The following ESRRG variants were observed in gnomAD, a reference collection of about 807,000 sequenced individuals.
ESRRG encodes estrogen-related receptor gamma.
Under a neutral mutation model 44.0 loss-of-function variants are expected in ESRRG, and 13 were observed. That is an observed-to-expected ratio of 0.30 (90% CI 0.19 to 0.47). The LOEUF (loss-of-function observed/expected upper bound fraction) is 0.47, where lower values mean the gene tolerates loss of function less well. Among genes scored for constraint, ESRRG ranks in the 20% least tolerant of loss-of-function variants. The probability of loss-of-function intolerance (pLI) is 1.00; values close to 1 mark genes in which losing one functional copy is unlikely to be tolerated. For missense variants in ESRRG, 395 were observed against 580.6 expected, an observed-to-expected ratio of 0.68 and a Z score of 3.29; for synonymous variants, 215 against 214.6, an observed-to-expected ratio of 1.00 and a Z score of -0.02.
At chr1:216,921,660 A>G (rs1270669832) in intron 2 of ESRRG, among the ~76,000 whole-genome samples, 1 of 152,148 alleles carries the variant, frequency 6.6e-6, no homozygotes, top group Non-Finnish European at 1.5e-5. Flanking sequence ...CTTATTTTGA[A>G]TTGCAACTCT....
In ESRRG at chr1:217,081,609, T is replaced by C. The variant is rs150611445; in HGVS notation, c.-106+7898A>G. Among the ~76,000 whole-genome samples the C allele has an allele frequency of 6.0e-3, 907 of 152,222 alleles. 6 individuals are homozygous for C. The highest frequency in any genetic ancestry group is 0.017 in the Middle Eastern group (5 of 294). On this transcript the variant is annotated intron_variant, in intron 1 of 7. Coordinates refer to the ESRRG transcript ENST00000359162. ...ATTACATTCATTAGTTCTTTTTGTTTGGTTGGTTGGCATTTTTTAGAGATG... is the reference window on the plus strand; with the variant it reads ...ATTACATTCATTAGTTCTTTTTGTTCGGTTGGTTGGCATTTTTTAGAGATG...
intron 3 of ESRRG, among the ~76,000 whole-genome samples, chr1:216,647,192 C>G (rs937704301): frequency 3.3e-5 from 5 of 151,756 alleles, no homozygotes; most frequent in Non-Finnish European, 7.4e-5. Flanking sequence ...TAAGCAATAC[C>G]TGAAAAAAAT....
chr1:216,601,379 G>A (rs371700323), intron 3 of ESRRG, among the ~76,000 whole-genome samples: 1 of 152,144 alleles, frequency 6.6e-6, no homozygotes, highest in Admixed American at 6.5e-5. Context: ...ACCAAAGCCC[G>A]CTCCAACGCC....
At chr1:216,930,750 AAAGGCTGCAGG>A (rs1560154778) in intron 2 of ESRRG, among the ~76,000 whole-genome samples, 1 of 152,218 alleles carries the variant, frequency 6.6e-6, no homozygotes, top group Non-Finnish European at 1.5e-5. Context: ...AGGAGTCAGG[AAAGGCTGCAGG>A]AAGGAGGTGA....
intron 1 of ESRRG, among the ~76,000 whole-genome samples, chr1:217,073,679 T>C (rs1030119090): frequency 1.3e-5 from 2 of 151,382 alleles, no homozygotes; most frequent in Non-Finnish European, 2.9e-5. Context: ...AAAAATGAAA[T>C]GTTATGTAGC....
chr1:216,851,626 C>T lies in ESRRG; in HGVS notation c.-14+87956G>A, dbSNP rs796924426. On this transcript the variant is annotated intron_variant, in intron 2 of 7. Coordinates refer to the ESRRG transcript ENST00000359162. ...CGCCAGAACCTGATCATGCTGACAC[C>T]CTGATCTCAGACTTTCAGCCTCCAG... Among the ~76,000 whole-genome samples the T allele has an allele frequency of 2.4e-4, 36 of 152,192 alleles. 1 individual carries two copies. The highest frequency in any genetic ancestry group is 8.2e-4 in the African/African-American group (34 of 41,538).
chr1:216,874,968 C>A (rs1336997777), intron 2 of ESRRG, among the ~76,000 whole-genome samples: 1 of 152,124 alleles, frequency 6.6e-6, no homozygotes, highest in African/African-American at 2.4e-5. Context: ...GGCTCTTGGG[C>A]CTTTGACCAC....
chr1:216,896,983 A>G (rs1055539725), intron 2 of ESRRG, among the ~76,000 whole-genome samples: 1 of 152,226 alleles, frequency 6.6e-6, no homozygotes, highest in Non-Finnish European at 1.5e-5. Flanking sequence ...CATCTGTTGC[A>G]GAGCCATCTT....
At chr1:216,617,736 C>T (rs1270031738) in intron 3 of ESRRG, among the ~76,000 whole-genome samples, 1 of 152,148 alleles carries the variant, frequency 6.6e-6, no homozygotes, top group Non-Finnish European at 1.5e-5. Flanking sequence ...AAGTAACCCA[C>T]ATATATGTCC....
intron 1 of ESRRG, among the ~76,000 whole-genome samples, chr1:217,014,187 T>A (rs1015755880): frequency 1.3e-5 from 2 of 152,152 alleles, no homozygotes. Flanking sequence ...GGAACCTGCA[T>A]AAGACTTTTG....
At chr1:216,589,987 T>G (rs570426389) in intron 3 of ESRRG, among the ~76,000 whole-genome samples, 1 of 134,818 alleles carries the variant, frequency 7.4e-6, no homozygotes, top group African/African-American at 2.8e-5. Flanking sequence ...AAAAAATATA[T>G]ATAACAGCAA....
At chr1:216,760,587 A>G (rs1037542849) in intron 2 of ESRRG, among the ~76,000 whole-genome samples, 1 of 151,992 alleles carries the variant, frequency 6.6e-6, no homozygotes, top group African/African-American at 2.4e-5. Context: ...TGGGTGACAC[A>G]GGGAGGTCTT....
At chr1:216,974,899 C>A (rs1484565096) in intron 1 of ESRRG, among the ~76,000 whole-genome samples, 1 of 150,092 alleles carries the variant, frequency 6.7e-6, no homozygotes, top group Admixed American at 6.6e-5. Flanking sequence ...AATTTTCTTT[C>A]AGAATTTTCT....
chr1:217,113,257 A>C (rs1200602888), intron 1 of ESRRG, among the ~76,000 whole-genome samples: 1 of 152,188 alleles, frequency 6.6e-6, no homozygotes, highest in Admixed American at 6.5e-5. Flanking sequence ...AGCCTCAGAG[A>C]GTAGTTCCAA....
At chr1:216,865,579 G>A (rs1374758083) in intron 2 of ESRRG, among the ~76,000 whole-genome samples, 1 of 152,142 alleles carries the variant, frequency 6.6e-6, no homozygotes, top group Non-Finnish European at 1.5e-5. Context: ...ACAGTTAAAA[G>A]AGGGAAAAGG....
At chr1:216,992,126 G>A (rs1239595731) in intron 1 of ESRRG, among the ~76,000 whole-genome samples, 1 of 152,118 alleles carries the variant, frequency 6.6e-6, no homozygotes, top group East Asian at 1.9e-4. Flanking sequence ...AATTAAGATG[G>A]GAATGGGGGC....
intron 3 of ESRRG, among the ~76,000 whole-genome samples, chr1:216,639,184 T>C (rs1241329651): frequency 6.6e-6 from 1 of 152,024 alleles, no homozygotes. Context: ...AGTTTGGAAA[T>C]CACCAAATGG....
intron 1 of ESRRG, among the ~76,000 whole-genome samples, chr1:217,074,354 T>A (rs2090984379): frequency 6.7e-6 from 1 of 150,170 alleles, no homozygotes; most frequent in East Asian, 2.0e-4. Flanking sequence ...CAGCCATGAA[T>A]CCCTTTAAAT....
intron 2 of ESRRG, among the ~76,000 whole-genome samples, chr1:216,762,735 A>AAATAAATAAATAAATAAAT (rs2092859972): frequency 1.4e-5 from 2 of 147,754 alleles, no homozygotes; most frequent in Non-Finnish European, 3.1e-5. Context: ...AATAAATAAA[A>AAATAAATAAATAAATAAAT]AGAATGAGCA....
Sources: allele counts gnomAD v4.1 joint callset (sites outside exome capture counted in the v4.1 genomes callset), GRCh38; gene constraint gnomAD v4.1.1; transcripts MANE v1.5; gene names NCBI Gene and HGNC (gene_info 2026-07-23, HGNC 2026-07-21).